Variants in EFR3A observed in about 807,000 individuals in gnomAD.
EFR3A encodes protein EFR3 homolog A.
In EFR3A, 76 loss-of-function variants were observed where a neutral mutation model predicts 104.4. That is an observed-to-expected ratio of 0.73 (90% CI 0.60 to 0.88). EFR3A has a LOEUF of 0.88. Among genes scored for constraint, EFR3A ranks in the 40% least tolerant of loss-of-function variants. The pLI is 0.00. For synonymous variants in EFR3A, 330 were observed against 330.0 expected, an observed-to-expected ratio of 1.00 and a Z score of 0.00; for missense variants, 985 against 1,012.5, an observed-to-expected ratio of 0.97 and a Z score of 0.37.
At chr8:131,925,174 G>T (rs1051635338) in intron 1 of EFR3A, among the ~76,000 whole-genome samples, 1 of 152,198 alleles carries the variant, frequency 6.6e-6, no homozygotes, top group African/African-American at 2.4e-5. Context: ...TCACAGACTA[G>T]TCCCTTTTTC....
chr8:131,942,705 A>G (rs963452382), intron 2 of EFR3A, among the ~76,000 whole-genome samples: 1 of 152,110 alleles, frequency 6.6e-6, no homozygotes, highest in Non-Finnish European at 1.5e-5. Flanking sequence ...AGGTAGAAGA[A>G]CATGTAGTTG....
At chr8:131,935,414 GA>G in intron 1 of EFR3A, 1 of 346,880 alleles carries the variant, frequency 2.9e-6, no homozygotes, top group Non-Finnish European at 5.8e-6. Context: ...ATATGTAAAC[GA>G]GCAGTAGATT....
intron 1 of EFR3A, among the ~76,000 whole-genome samples, chr8:131,915,554 T>C (rs1227979176): frequency 6.6e-6 from 1 of 152,186 alleles, no homozygotes; most frequent in African/African-American, 2.4e-5. Context: ...GGGTATAAAT[T>C]GCTATAACAC....
Position 131,940,409 on chromosome 8 carries a change from A to G in EFR3A, c.11-90A>G, listed in dbSNP as rs1431667359. The G allele has an allele frequency of 2.5e-6, 3 of 1,201,576 alleles. No individual in the cohort carries two copies. The African/African-American group carries it at 4.6e-5, about 19-fold the overall frequency. 74.4% of individuals were successfully genotyped at this position (1,201,576 alleles called of 1,614,324 possible). A position where few individuals can be genotyped will look rare whatever the true frequency, so the allele number is the denominator to read the frequency against. ...TGACAGTTTGAACTTTGTATTTTAT[A>G]TAGCCCATTAATATTCAGAAACTTG... On this transcript the variant is annotated intron_variant, in intron 1 of 22. Coordinates refer to ENST00000254624, the MANE Select transcript of EFR3A (RefSeq NM_015137.6).
Position 131,959,670 on chromosome 8 carries a change from TTTGA to T in EFR3A, c.855+10_855+13del. The T allele has an allele frequency of 6.3e-7, 1 of 1,597,914 alleles. No homozygotes were observed. The highest frequency in any genetic ancestry group is 8.5e-7 in the Non-Finnish European group (1 of 1,170,654). On this transcript the variant is annotated splice_region_variant and intron_variant, in intron 8 of 22. Coordinates refer to ENST00000254624, the MANE Select transcript of EFR3A (RefSeq NM_015137.6). ...TATAATGTATTCCATTCAGGTAAGG[TTTGA>T]TTAACTATTTACTGTATTTATATAA...
Position 131,970,462 on chromosome 8 carries a change from G to A in EFR3A, c.992-14G>A, listed in dbSNP as rs543955335. ...TAGAAACATGTATCTTCTCACATAAGTGATCCTTTATAGGTCCGACAGTGC... is the reference window on the plus strand; with the variant it reads ...TAGAAACATGTATCTTCTCACATAAATGATCCTTTATAGGTCCGACAGTGC... On this transcript the variant is annotated splice_polypyrimidine_tract_variant and intron_variant, in intron 9 of 22. Coordinates refer to ENST00000254624, the MANE Select transcript of EFR3A (RefSeq NM_015137.6). The A allele has an allele frequency of 1.9e-6, 3 of 1,611,386 alleles. No homozygotes were observed. The South Asian group carries it at 3.3e-5, about 18-fold the overall frequency.
At chr8:131,986,540 T>G (rs1820892760) in intron 17 of EFR3A, among the ~76,000 whole-genome samples, 1 of 152,032 alleles carries the variant, frequency 6.6e-6, no homozygotes, top group Admixed American at 6.6e-5. Flanking sequence ...TCCTAACACT[T>G]CGGGACGCTG....
At chr8:131,909,242 G>T (rs1816394309) in intron 1 of EFR3A, among the ~76,000 whole-genome samples, 1 of 152,116 alleles carries the variant, frequency 6.6e-6, no homozygotes, top group Non-Finnish European at 1.5e-5. Flanking sequence ...TTCCCATAAA[G>T]ATAGTGTTAT....
rs564057329 is a variant in EFR3A at position 131,946,268 on chromosome 8, T to C, written c.216-215T>C. Among the ~76,000 whole-genome samples, 17 of 152,176 alleles carry C rather than the reference T, an allele frequency of 1.1e-4. No homozygotes were observed. In the South Asian group the frequency reaches 2.1e-3, roughly 19 times the overall value. On this transcript the variant is annotated intron_variant, in intron 3 of 22. Coordinates refer to ENST00000254624, the MANE Select transcript of EFR3A (RefSeq NM_015137.6). ...TTAAGGAGAAAATGGGGGAATACAGTGTATATTTTCTGTATACTTCGATAA... is the reference window on the plus strand; with the variant it reads ...TTAAGGAGAAAATGGGGGAATACAGCGTATATTTTCTGTATACTTCGATAA...
chr8:131,946,369 C>A, intron 3 of EFR3A, 114 bp from the exon 4 acceptor site: 1 of 1,010,686 alleles, frequency 9.9e-7, no homozygotes, highest in Non-Finnish European at 1.3e-6. Context: ...ACTAAATTTG[C>A]ATTTCTTTCT....
Position 132,011,098 on chromosome 8 carries a change from A to G in EFR3A, c.*203A>G, listed in dbSNP as rs1822323356. On this transcript the variant is annotated 3_prime_UTR_variant, in exon 23 of 23. Coordinates refer to ENST00000254624, the MANE Select transcript of EFR3A (RefSeq NM_015137.6). ...GTACTTTCAAAGATAGATTTATGCC[A>G]TGTTAATTTGCTTTGAGGTTCCTGT... is the stretch of plus-strand genomic sequence containing the variant. 2 of 1,228,682 alleles carry G rather than the reference A, an allele frequency of 1.6e-6. No individual in the cohort carries two copies. Among genetic ancestry groups the G allele is most frequent in the African/African-American group, 3.0e-5 (2 of 65,908 alleles). The allele number at this position is 1,228,682 out of a possible 1,614,324, so 76.1% of individuals were successfully genotyped here.
chr8:131,927,669 A>G (rs1348030843), intron 1 of EFR3A, among the ~76,000 whole-genome samples: 1 of 152,146 alleles, frequency 6.6e-6, no homozygotes, highest in East Asian at 1.9e-4. Flanking sequence ...TTTTTTTAGG[A>G]ACCATAACGT....
chr8:131,932,228 G>T (rs1053511499), intron 1 of EFR3A, among the ~76,000 whole-genome samples: 1 of 151,910 alleles, frequency 6.6e-6, no homozygotes, highest in East Asian at 1.9e-4. Flanking sequence ...TTTCTGTTTT[G>T]TATGTGGAAT....
chr8:131,983,636 A>G (rs1820725809), intron 14 of EFR3A, among the ~76,000 whole-genome samples: 1 of 152,036 alleles, frequency 6.6e-6, no homozygotes, highest in Non-Finnish European at 1.5e-5. Flanking sequence ...ACTCGCCTTC[A>G]GGGACTCCAT....
chr8:131,934,841 G>A (rs770240315), intron 1 of EFR3A, among the ~76,000 whole-genome samples: 25 of 152,052 alleles, frequency 1.6e-4, no homozygotes, highest in Non-Finnish European at 3.1e-4. Context: ...TATGTAAATT[G>A]TTTTGGTACC....
chr8:131,961,426 G>A, intron 8 of EFR3A, among the ~76,000 whole-genome samples: 1 of 152,238 alleles, frequency 6.6e-6, no homozygotes, highest in Non-Finnish European at 1.5e-5. Context: ...ACAAGCTTCA[G>A]TAGCCGATTC....
At position 132,011,138 on chromosome 8, in the gene EFR3A, G is replaced by C; in HGVS notation, c.*243G>C. The C allele has an allele frequency of 8.5e-7, 1 of 1,173,230 alleles. No individual in the cohort carries two copies. Among genetic ancestry groups the C allele is most frequent in the Non-Finnish European group, 1.1e-6 (1 of 944,964 alleles). 72.7% of individuals were successfully genotyped at this position (1,173,230 alleles called of 1,614,324 possible). On this transcript the variant is annotated 3_prime_UTR_variant, in exon 23 of 23. Coordinates refer to ENST00000254624, the MANE Select transcript of EFR3A (RefSeq NM_015137.6). ...GAGGTTCCTGTTGCCTTTTTAAGTTGAACATGTTTTGGTTTCACTTTATTC... is the reference window on the plus strand; with the variant it reads ...GAGGTTCCTGTTGCCTTTTTAAGTTCAACATGTTTTGGTTTCACTTTATTC...
intron 4 of EFR3A, among the ~76,000 whole-genome samples, chr8:131,947,635 A>G (rs566433336): frequency 2.6e-4 from 39 of 152,010 alleles, no homozygotes; most frequent in African/African-American, 9.2e-4. Flanking sequence ...ATCCAACATC[A>G]GAAAGGTTTA....
chr8:131,972,699 C>T (rs1481407604), intron 10 of EFR3A, among the ~76,000 whole-genome samples: 11 of 151,964 alleles, frequency 7.2e-5, no homozygotes, highest in Admixed American at 7.2e-4. Context: ...GGATTGTATT[C>T]CTGGGGTCTA....
Sources: gnomAD v4.1 joint callset for allele counts (sites outside exome capture counted in the v4.1 genomes callset) on GRCh38, gnomAD v4.1.1 for gene constraint, MANE v1.5 for transcripts, NCBI Gene and HGNC (gene_info 2026-07-23, HGNC 2026-07-21) for gene names.